ZFPM1: variants seen among roughly 807,000 people sequenced by gnomAD.
ZFPM1 encodes zinc finger protein ZFPM1.
A neutral mutation model predicts 46.3 loss-of-function variants in ZFPM1; 28 were observed. That is an observed-to-expected ratio of 0.60 (90% CI 0.45 to 0.83). The LOEUF is 0.83. Ranked by LOEUF, ZFPM1 falls within the 40% of genes least tolerant of loss-of-function variation. The probability of loss-of-function intolerance (pLI) is 0.00; values close to 1 mark genes in which losing one functional copy is unlikely to be tolerated. For missense variants in ZFPM1, 1,878 were observed against 1,432.4 expected (o/e 1.31, Z -5.02); for synonymous variants, 957 against 675.9 (o/e 1.42, Z -6.45).
intron 1 of ZFPM1, among the ~76,000 whole-genome samples, chr16:88,456,985 C>T (rs948143342): frequency 1.1e-4 from 16 of 152,220 alleles, no homozygotes; most frequent in Non-Finnish European, 5.9e-5. Context: ...GCTGCTGCAG[C>T]TCAGAACAAG....
In ZFPM1 at chr16:88,534,535, C is replaced by A; in HGVS notation, c.2577C>A (p.Cys859Ter). 1 of 1,394,308 alleles carries A rather than the reference C, an allele frequency of 7.2e-7. No homozygotes were observed. Among genetic ancestry groups the A allele is most frequent in the Non-Finnish European group, 9.3e-7 (1 of 1,077,038 alleles). The allele number at this position is 1,394,308 out of a possible 1,614,324, so 86.4% of individuals were successfully genotyped here. ...LGLPAAACPY[C>*]PPNGPVRGDL... ...TGCCCGCCGCCGCCTGCCCCTACTG[C>A]CCCCCGAACGGCCCGGTGCGCGGGG... Residue 859 changes from cysteine (C) to a stop codon, truncating the protein, a stop_gained, in exon 10 of 10, where the codon TGC (cysteine) becomes TGA (stop). Coordinates refer to ENST00000319555, the MANE Select transcript of ZFPM1 (RefSeq NM_153813.3). LOFTEE classifies it low-confidence loss of function (END_TRUNC).
chr16:88,485,876 G>T (rs1909192131), intron 1 of ZFPM1, 63 bp from the exon 2 acceptor site: 44 of 1,530,496 alleles, frequency 2.9e-5, no homozygotes, highest in Non-Finnish European at 3.7e-5. Context: ...GCCAGGAGGG[G>T]TCAGGAGGCA....
In ZFPM1 at chr16:88,534,929, GC is replaced by G; in HGVS notation, c.2974del (p.His992ThrfsTer14). On this transcript the variant is annotated frameshift_variant, in exon 10 of 10. Coordinates refer to ENST00000319555, the MANE Select transcript of ZFPM1 (RefSeq NM_153813.3). LOFTEE classifies it high-confidence loss of function. ...IKFSSLSTFIAHKKYYCSSHA... is the reference protein window; with the variant it reads ...IKFSSLSTFIXHKKYYCSSHA... ...GTTCAGCAGCCTGTCCACCTTCATC[GC>G]CCACAAGAAGTATTACTGCTCCTCG... 1 of 1,542,398 alleles carries G rather than the reference GC, an allele frequency of 6.5e-7. No individual in the cohort carries two copies. The highest frequency in any genetic ancestry group is 8.7e-7 in the Non-Finnish European group (1 of 1,144,626).
intron 3 of ZFPM1, among the ~76,000 whole-genome samples, chr16:88,507,664 C>T (rs1032893386): frequency 6.6e-6 from 1 of 152,228 alleles, no homozygotes; most frequent in African/African-American, 2.4e-5. Flanking sequence ...TGCCATCCAG[C>T]TCCGGCAGAT....
At chr16:88,490,686 AG>A (rs1909515398) in intron 3 of ZFPM1, among the ~76,000 whole-genome samples, 1 of 151,884 alleles carries the variant, frequency 6.6e-6, no homozygotes, top group Non-Finnish European at 1.5e-5. Flanking sequence ...CCACAGAGAG[AG>A]GGGTGGGCCT....
rs765840319 is a variant in ZFPM1, at chr16:88,533,234, C to G, written c.1276C>G (p.Pro426Ala). 2 of 1,562,686 alleles carry G rather than the reference C, an allele frequency of 1.3e-6. No individual in the cohort carries two copies. Among genetic ancestry groups the G allele is most frequent in the East Asian group, 2.3e-5 (1 of 42,914 alleles). The change falls in exon 10 of 10, where the codon CCA (proline) becomes GCA (alanine). Residue 426 changes from proline to alanine, a missense_variant. Transcript: ENST00000319555. The stretch of plus-strand genomic sequence containing the variant: ...CCTGGGCCTGGCGCCCACCCCATCG[C>G]CAGGACTGGACAGAAAGGCCCTGGC... ...ADLGLAPTPS[P>A]GLDRKALAEA...
intron 4 of ZFPM1, among the ~76,000 whole-genome samples, chr16:88,517,914 T>C (rs890542097): frequency 1.3e-5 from 2 of 151,886 alleles, no homozygotes; most frequent in Middle Eastern, 3.4e-3. Flanking sequence ...GGTGGATGGA[T>C]AAATGAGTGG....
chr16:88,524,549 G>A (rs938679129), intron 4 of ZFPM1, among the ~76,000 whole-genome samples: 21 of 152,230 alleles, frequency 1.4e-4, no homozygotes, highest in Admixed American at 2.6e-4. Flanking sequence ...GTGCTGCCCC[G>A]GACATGCCCT....
At chr16:88,515,211 T>A (rs1258663544) in intron 4 of ZFPM1, among the ~76,000 whole-genome samples, 1 of 152,180 alleles carries the variant, frequency 6.6e-6, no homozygotes, top group Admixed American at 6.5e-5. Flanking sequence ...TGGGGCTGCA[T>A]CATGGGCGGC....
At position 88,497,746 on chromosome 16, in the gene ZFPM1, G is replaced by A. The variant is rs1380758992; in HGVS notation, c.268+8593G>A. Among the ~76,000 whole-genome samples, 3 of 152,252 alleles carry A rather than the reference G, an allele frequency of 2.0e-5. No homozygotes were observed. The highest frequency in any genetic ancestry group is 4.8e-5 in the African/African-American group (2 of 41,542). On this transcript the variant is annotated intron_variant, in intron 3 of 9. Coordinates refer to ENST00000319555, the MANE Select transcript of ZFPM1 (RefSeq NM_153813.3). This position sits in a 1 kb window ranked among gnomAD's most constrained non-coding sequence, Gnocchi z 5.4. ...CCACTATTTCCTGCCTGAGGCCCAC[G>A]AAGGGTCCCCCGCCCCAGGGTCCCG...
At chr16:88,499,304 T>C (rs1159329309) in intron 3 of ZFPM1, among the ~76,000 whole-genome samples, 1 of 152,262 alleles carries the variant, frequency 6.6e-6, no homozygotes, top group Non-Finnish European at 1.5e-5. Context: ...CTTCCATTTA[T>C]TGAGCACAAG....
intron 3 of ZFPM1, among the ~76,000 whole-genome samples, chr16:88,511,931 C>A (rs1411486593): frequency 1.3e-5 from 2 of 152,190 alleles, no homozygotes; most frequent in African/African-American, 4.8e-5. Context: ...TTGCCCTGGT[C>A]CCCAGCCCCA....
Position 88,486,069 on chromosome 16 carries a change from G to A in ZFPM1, c.145+26G>A, listed in dbSNP as rs764308807. 19 of 1,596,458 alleles carry A rather than the reference G, an allele frequency of 1.2e-5. 1 individual carries two copies. Among genetic ancestry groups the A allele is most frequent in the South Asian group, 7.8e-5 (7 of 89,318 alleles). On this transcript the variant is annotated intron_variant, in intron 2 of 9. Coordinates refer to ENST00000319555, the MANE Select transcript of ZFPM1 (RefSeq NM_153813.3). ...GTGAGTCAGACTGAGCCCTCTCACCGCGCCTCCAGCCGGGGCCTCCATTGC... is the reference window on the plus strand; with the variant it reads ...GTGAGTCAGACTGAGCCCTCTCACCACGCCTCCAGCCGGGGCCTCCATTGC...
intron 1 of ZFPM1, among the ~76,000 whole-genome samples, chr16:88,468,323 G>T (rs929416214): frequency 3.9e-5 from 6 of 152,172 alleles, no homozygotes; most frequent in African/African-American, 1.4e-4. Flanking sequence ...AGCACTCGGG[G>T]TGCTCTGAAA....
chr16:88,460,915 CGAGGGG>C (rs1907793621), intron 1 of ZFPM1, among the ~76,000 whole-genome samples: 3 of 89,394 alleles, frequency 3.4e-5, no homozygotes, highest in Non-Finnish European at 6.4e-5. Flanking sequence ...TGGTGAGGAC[CGAGGGG>C]CGGGGCGGGA....
intron 3 of ZFPM1, among the ~76,000 whole-genome samples, chr16:88,489,602 C>T (rs1909442485): frequency 6.6e-6 from 1 of 152,206 alleles, no homozygotes; most frequent in Non-Finnish European, 1.5e-5. Flanking sequence ...GAGGGCCCCA[C>T]CCCACTCCAG....
rs560960727 is a variant in ZFPM1 at position 88,470,451 on chromosome 16, A to C, written c.41-15488A>C. ...GTCTGACGTGCTCTGTGGCAGAACC[A>C]CTGGGGAGGCTGTTGTTGGGGGACT... On this transcript the variant is annotated intron_variant, in intron 1 of 9. Coordinates refer to ENST00000319555, the MANE Select transcript of ZFPM1 (RefSeq NM_153813.3). Among the ~76,000 whole-genome samples the C allele has an allele frequency of 3.3e-5, 5 of 152,326 alleles. No homozygotes were observed. The East Asian group carries it at 9.7e-4, about 29-fold the overall frequency.
intron 9 of ZFPM1, 36 bp from the exon 10 acceptor site, chr16:88,533,112 C>T: frequency 6.8e-7 from 1 of 1,467,536 alleles, no homozygotes; most frequent in Non-Finnish European, 9.0e-7. Flanking sequence ...GGTCCTGCCC[C>T]AGGCCTGAGG....
intron 4 of ZFPM1, among the ~76,000 whole-genome samples, chr16:88,516,992 G>A (rs1039913143): frequency 2.0e-5 from 3 of 152,178 alleles, no homozygotes; most frequent in Non-Finnish European, 2.9e-5. Context: ...AGTCAGGAGC[G>A]TGGACTCTGG....
Sources: allele counts gnomAD v4.1 joint callset (sites outside exome capture counted in the v4.1 genomes callset), GRCh38; gene constraint gnomAD v4.1.1; non-coding constraint Gnocchi (gnomAD v3.1); transcripts MANE v1.5; gene names NCBI Gene and HGNC (gene_info 2026-07-23, HGNC 2026-07-21).